Variants in RPS4Y1 observed in about 807,000 individuals in gnomAD.
The protein encoded by RPS4Y1 is ribosomal protein S4 Y-linked 1.
For missense variants in RPS4Y1, 30 were observed against 60.9 expected (o/e 0.49, Z 1.69); for synonymous variants, 23 against 20.8 (o/e 1.10, Z -0.28).
chrY:2,866,774 A>G lies in RPS4Y1; in HGVS notation c.691-19A>G. On this transcript the variant is annotated intron_variant, in intron 6 of 6. Coordinates refer to ENST00000250784, the MANE Select transcript of RPS4Y1 (RefSeq NM_001008.4). ...TCCCTTTCTTTCTGTACTTACTTTT[A>G]TCTCCTCTTCTATTGCAGGGCAATA... is the stretch of plus-strand genomic sequence containing the variant. 1 of 350,834 alleles carries G rather than the reference A, an allele frequency of 2.9e-6. No homozygotes were observed. Among genetic ancestry groups the G allele is most frequent in the Non-Finnish European group, 4.1e-6 (1 of 241,446 alleles). 87.5% of individuals were successfully genotyped at this position (350,834 alleles called of 400,897 possible).
chrY:2,849,377 C>G, intron 4 of RPS4Y1, among the ~76,000 whole-genome samples: 1 of 33,709 alleles, frequency 3.0e-5, no homozygotes, highest in Non-Finnish European at 7.4e-5. Flanking sequence ...GTATCCTTGC[C>G]TTTGTGGCTT....
chrY:2,843,753 G>C, intron 2 of RPS4Y1, among the ~76,000 whole-genome samples: 1 of 32,942 alleles, frequency 3.0e-5, no homozygotes, highest in Non-Finnish European at 7.4e-5. Context: ...AGATACATGG[G>C]ATGTAGTGTT....
chrY:2,853,677 A>G (rs2051157650), intron 4 of RPS4Y1, among the ~76,000 whole-genome samples: 1 of 33,793 alleles, frequency 3.0e-5, no homozygotes, highest in Non-Finnish European at 7.3e-5. Flanking sequence ...AGATGTCACG[A>G]GCAACACCAG....
Position 2,857,613 on chromosome Y carries a change from G to A in RPS4Y1, c.532+2842G>A, listed in dbSNP as rs2051160862. ...GTATTTTTAGTAGAGATGGGGTTTC[G>A]CCATGTTGGCCAGGCTGGAGTCAAA... is the stretch of plus-strand genomic sequence containing the variant. On this transcript the variant is annotated intron_variant, in intron 5 of 6. Transcript: ENST00000250784. 1.8e-4 allele frequency among the ~76,000 whole-genome samples: 6 copies of A among 33,488 alleles called. No homozygotes were observed. The East Asian group carries it at 3.1e-3, about 17-fold the overall frequency. The allele number at this position is 33,488 out of a possible 37,273, so 89.8% of individuals were successfully genotyped here.
At chrY:2,856,095 A>G in intron 5 of RPS4Y1, among the ~76,000 whole-genome samples, 1 of 33,565 alleles carries the variant, frequency 3.0e-5, no homozygotes, top group Non-Finnish European at 7.4e-5. Context: ...AGGTAGGAGC[A>G]TCTTATGCTT....
At chrY:2,856,116 C>T in intron 5 of RPS4Y1, among the ~76,000 whole-genome samples, 1 of 33,377 alleles carries the variant, frequency 3.0e-5, no homozygotes. Context: ...GTCTCTCAAA[C>T]GTTTGCATAC....
chrY:2,855,828 C>A, intron 5 of RPS4Y1, among the ~76,000 whole-genome samples: 1 of 33,199 alleles, frequency 3.0e-5, no homozygotes, highest in Non-Finnish European at 7.4e-5. Flanking sequence ...GGAATACTTA[C>A]ATTCAGGAAG....
intron 1 of RPS4Y1, 173 bp downstream of exon 1, chrY:2,841,800 C>T: frequency 4.3e-6 from 1 of 232,961 alleles, no homozygotes. Flanking sequence ...AAGAGTGTGT[C>T]TCGTTGTGCT....
intron 2 of RPS4Y1, among the ~76,000 whole-genome samples, chrY:2,843,733 G>C (rs2051150966): frequency 6.1e-5 from 2 of 33,016 alleles, no homozygotes; most frequent in African/African-American, 2.4e-4. Context: ...TAAAGCGTAA[G>C]CTACACTTGA....
At chrY:2,863,691 G>C in intron 5 of RPS4Y1, among the ~76,000 whole-genome samples, 1 of 33,672 alleles carries the variant, frequency 3.0e-5, no homozygotes, top group Non-Finnish European at 7.4e-5. Context: ...GTATAAGAAA[G>C]TTCTTTGTAA....
intron 5 of RPS4Y1, among the ~76,000 whole-genome samples, chrY:2,862,251 A>T (rs778975253): frequency 6.1e-5 from 2 of 32,822 alleles, no homozygotes; most frequent in East Asian, 1.6e-3. Flanking sequence ...TTGTTTTCAC[A>T]TACTGCTTTG....
chrY:2,856,507 A>C, intron 5 of RPS4Y1, among the ~76,000 whole-genome samples: 1 of 33,730 alleles, frequency 3.0e-5, no homozygotes, highest in African/African-American at 1.2e-4. Context: ...TCATTTGTTT[A>C]TTAAATCAAA....
At chrY:2,857,455 G>A (rs1603309153) in intron 5 of RPS4Y1, among the ~76,000 whole-genome samples, 2 of 33,605 alleles carry the variant, frequency 6.0e-5, no homozygotes, top group East Asian at 1.6e-3. Context: ...CACTCTTGTC[G>A]CCCAGGCTGG....
In RPS4Y1 at chrY:2,866,836, G is replaced by A; in HGVS notation, c.734G>A (p.Arg245Gln). The A allele has an allele frequency of 2.5e-6, 1 of 396,339 alleles. No homozygotes were observed. Residue 245 changes from arginine (R) to glutamine (Q), a missense_variant, in exon 7 of 7, where the codon CGA becomes CAA. Transcript: ENST00000250784. ...WISLPRGKGI[R>Q]LTVAEERDKR... ...TCCCTGCCCAGGGGAAAGGGCATTC[G>A]ACTTACTGTTGCTGAAGAGAGAGAT...
intron 4 of RPS4Y1, chrY:2,854,331 A>G: frequency 9.5e-6 from 1 of 105,783 alleles, no homozygotes. Context: ...ATAAAGGACC[A>G]GAGGTTAGTT....
At chrY:2,854,572 G>A (rs760102084) in intron 4 of RPS4Y1, 28 bp from the exon 5 acceptor site, 2 of 376,826 alleles carry the variant, frequency 5.3e-6, no homozygotes, top group South Asian at 6.0e-5. Flanking sequence ...TTTACATATT[G>A]AATTGATTTT....
intron 5 of RPS4Y1, among the ~76,000 whole-genome samples, chrY:2,864,577 T>C (rs1603309242): frequency 5.9e-5 from 2 of 33,747 alleles, no homozygotes; most frequent in Non-Finnish European, 1.5e-4. Context: ...AAAATAACTC[T>C]AGATGTCTGA....
chrY:2,865,577 A>C (rs112534702), intron 6 of RPS4Y1, among the ~76,000 whole-genome samples: 290 of 33,407 alleles, frequency 8.7e-3, no homozygotes, highest in African/African-American at 0.032. Context: ...TGCCCCCTTA[A>C]TTTTGTAAGT....
At chrY:2,865,300 A>G in intron 6 of RPS4Y1, 55 bp downstream of exon 6, 2 of 319,252 alleles carry the variant, frequency 6.3e-6, no homozygotes, top group South Asian at 6.4e-5. Context: ...TAAAAAGCAT[A>G]AAGACCTGCA....
Sources: allele counts gnomAD v4.1 joint callset (sites outside exome capture counted in the v4.1 genomes callset), GRCh38; gene constraint gnomAD v4.1.1; transcripts MANE v1.5; gene names NCBI Gene and HGNC (gene_info 2026-07-23, HGNC 2026-07-21).